The following MBOAT2 variants were observed in gnomAD, a reference collection of about 807,000 sequenced individuals.
The protein encoded by MBOAT2 is membrane-bound glycerophospholipid O-acyltransferase 2.
Under a neutral mutation model 63.4 loss-of-function variants are expected in MBOAT2, and 28 were observed. The observed-to-expected ratio is 0.44, with a 90% confidence interval of 0.33 to 0.61. The LOEUF is 0.61. Ranked by LOEUF, MBOAT2 falls within the 20% of genes least tolerant of loss-of-function variation. The probability of loss-of-function intolerance (pLI) is 0.03; values close to 1 mark genes in which losing one functional copy is unlikely to be tolerated. For synonymous variants in MBOAT2, 211 were observed against 215.6 expected (o/e 0.98, Z 0.19); for missense variants, 470 against 605.8 (o/e 0.78, Z 2.35).
chr2:8,879,080 A>C, intron 6 of MBOAT2, among the ~76,000 whole-genome samples: 1 of 152,024 alleles, frequency 6.6e-6, no homozygotes, highest in Middle Eastern at 3.4e-3. Flanking sequence ...CGTCTCAAAA[A>C]AAAAAAAAAA....
In MBOAT2 at chr2:9,003,619, G is replaced by C; in HGVS notation, c.-5C>G. The C allele has an allele frequency of 2.5e-6, 3 of 1,176,570 alleles. No individual in the cohort carries two copies. The highest frequency in any genetic ancestry group is 7.8e-5 in the South Asian group (2 of 25,716). 72.9% of individuals were successfully genotyped at this position (1,176,570 alleles called of 1,614,324 possible). A position where few individuals can be genotyped will look rare whatever the true frequency, so the allele number is the denominator to read the frequency against. ...CGTGGTGCTGGTGGTGGCCATGGCC[G>C]GGCCTCGGCGCTCCGGCCGCCCGCG... On this transcript the variant is annotated 5_prime_UTR_variant, in exon 1 of 13. Coordinates refer to ENST00000305997, the MANE Select transcript of MBOAT2 (RefSeq NM_138799.4). The surrounding 1 kb of genome is among the most constrained non-coding windows in gnomAD (Gnocchi z 5.4).
Position 9,003,423 on chromosome 2 carries a change from G to A in MBOAT2, c.75+117C>T, listed in dbSNP as rs1165788606. The A allele has an allele frequency of 8.2e-6, 4 of 488,816 alleles. No individual in the cohort carries two copies. In the African/African-American group the frequency reaches 8.3e-5, roughly 10 times the overall value. The allele number at this position is 488,816 out of a possible 1,614,324, so 30.3% of individuals were successfully genotyped here. ...CCCTTCCAGGGAGCGGCGGGTAGGG[G>A]GGCACCGGGCGCCCGGCCCCAGCCC... On this transcript the variant is annotated intron_variant, in intron 1 of 12. Coordinates refer to ENST00000305997, the MANE Select transcript of MBOAT2 (RefSeq NM_138799.4). This position sits in a 1 kb window ranked among gnomAD's most constrained non-coding sequence, Gnocchi z 5.4.
chr2:8,931,437 TG>T (rs1667314152), intron 3 of MBOAT2, among the ~76,000 whole-genome samples: 2 of 152,124 alleles, frequency 1.3e-5, no homozygotes, highest in Non-Finnish European at 2.9e-5. Flanking sequence ...TTGATGGCTT[TG>T]TTTTTTTCTT....
chr2:8,909,738 T>G (rs1198634578), intron 3 of MBOAT2, among the ~76,000 whole-genome samples: 1 of 152,240 alleles, frequency 6.6e-6, no homozygotes, highest in African/African-American at 2.4e-5. Context: ...TTCAAATGTT[T>G]AACAAAGTTA....
chr2:8,855,924 G>C lies in MBOAT2; in HGVS notation c.*2755C>G, dbSNP rs2148497847. ...ATCTTATTCTATTGATTAAAAAAAA[G>C]CAAGCACATAATACAACGAATCCCC... On this transcript the variant is annotated 3_prime_UTR_variant, in exon 13 of 13. Coordinates refer to ENST00000305997, the MANE Select transcript of MBOAT2 (RefSeq NM_138799.4). The C allele has an allele frequency of 6.6e-6, 1 of 151,940 alleles. No homozygotes were observed. Among genetic ancestry groups the C allele is most frequent in the East Asian group, 1.9e-4 (1 of 5,170 alleles). The allele number at this position is 151,940 out of a possible 1,614,324, so 9.4% of individuals were successfully genotyped here. A position where few individuals can be genotyped will look rare whatever the true frequency, so the allele number is the denominator to read the frequency against.
chr2:8,878,307 A>G (rs533424856), intron 6 of MBOAT2, among the ~76,000 whole-genome samples: 86 of 152,300 alleles, frequency 5.6e-4, no homozygotes, highest in African/African-American at 2.0e-3. Flanking sequence ...ATGAATAAGG[A>G]GTGTATTTAA....
intron 4 of MBOAT2, among the ~76,000 whole-genome samples, chr2:8,891,198 C>T (rs531156598): frequency 1.3e-5 from 2 of 152,298 alleles, no homozygotes; most frequent in Non-Finnish European, 2.9e-5. Context: ...ACCCATCAGC[C>T]GGTGCGTAGC....
At chr2:8,981,030 A>G (rs1004375402) in intron 1 of MBOAT2, among the ~76,000 whole-genome samples, 2 of 152,124 alleles carry the variant, frequency 1.3e-5, no homozygotes, top group Admixed American at 1.3e-4. Context: ...AAAAATGCAC[A>G]CTGATATGCA....
At chr2:8,876,231 T>C (rs760641336) in intron 7 of MBOAT2, among the ~76,000 whole-genome samples, 1 of 152,226 alleles carries the variant, frequency 6.6e-6, no homozygotes, top group Non-Finnish European at 1.5e-5. Context: ...ATAAACATTA[T>C]GTTTGGTTGT....
intron 3 of MBOAT2, among the ~76,000 whole-genome samples, chr2:8,940,286 CT>C (rs549345579): frequency 6.6e-6 from 1 of 151,864 alleles, no homozygotes; most frequent in Non-Finnish European, 1.5e-5. Flanking sequence ...TTTCCATTTT[CT>C]TTTTTTTCCT....
At chr2:8,939,797 C>A (rs557534858) in intron 3 of MBOAT2, among the ~76,000 whole-genome samples, 59 of 152,290 alleles carry the variant, frequency 3.9e-4, no homozygotes, top group African/African-American at 1.3e-3. Flanking sequence ...CACATGATGT[C>A]AAAATCACTA....
intron 7 of MBOAT2, among the ~76,000 whole-genome samples, chr2:8,874,882 G>A (rs1199221553): frequency 6.6e-6 from 1 of 152,216 alleles, no homozygotes; most frequent in Non-Finnish European, 1.5e-5. Context: ...TATATGATTA[G>A]GTTCTGGCCA....
chr2:8,931,176 C>T (rs147689149), intron 3 of MBOAT2, among the ~76,000 whole-genome samples: 2 of 152,354 alleles, frequency 1.3e-5, no homozygotes, highest in African/African-American at 4.8e-5. Context: ...TATTTCTCCA[C>T]AGCCTCACCA....
intron 4 of MBOAT2, among the ~76,000 whole-genome samples, chr2:8,904,727 ATATTACTACACATT>A (rs1665208702): frequency 6.6e-6 from 1 of 152,080 alleles, no homozygotes; most frequent in South Asian, 2.1e-4. Context: ...CTTTTTACAC[ATATTACTACACATT>A]TCATGGTTTT....
chr2:8,935,482 A>G (rs1039473394), intron 3 of MBOAT2, among the ~76,000 whole-genome samples: 3 of 152,222 alleles, frequency 2.0e-5, no homozygotes, highest in Non-Finnish European at 4.4e-5. Flanking sequence ...CATGGTGATA[A>G]ATATGACAGT....
intron 3 of MBOAT2, among the ~76,000 whole-genome samples, chr2:8,940,985 C>T (rs1246196992): frequency 6.6e-6 from 1 of 151,730 alleles, no homozygotes; most frequent in South Asian, 2.1e-4. Flanking sequence ...TTGGACAACA[C>T]ATAAAAATGC....
chr2:8,887,447 C>CATCT (rs1247514100), intron 5 of MBOAT2, among the ~76,000 whole-genome samples: 3 of 152,110 alleles, frequency 2.0e-5, no homozygotes, highest in African/African-American at 7.2e-5. Flanking sequence ...GGCTCAAACT[C>CATCT]ATCTCAAAAG....
Position 8,862,629 on chromosome 2 carries a change from C to T in MBOAT2, c.1146G>A (p.Thr382=), listed in dbSNP as rs762147238. Reference sequence around the variant, plus strand: ...ATGTCATTAACACCCCTGTTAGAAACGTTAGATAATATCCTGGGTATACCC... The same window carrying T: ...ATGTCATTAACACCCCTGTTAGAAATGTTAGATAATATCCTGGGTATACCC... ...WHGVYPGYYL[T]FLTGVLMTLA... Residue 382 remains threonine, a synonymous_variant, in exon 11 of 13, where the codon ACG becomes ACA. Transcript: ENST00000305997. This position sits in a 1 kb window ranked among gnomAD's most constrained non-coding sequence, Gnocchi z 4.3. The T allele has an allele frequency of 8.7e-6, 14 of 1,613,278 alleles. No homozygotes were observed. Among genetic ancestry groups the T allele is most frequent in the Non-Finnish European group, 1.2e-5 (14 of 1,179,850 alleles).
intron 7 of MBOAT2, among the ~76,000 whole-genome samples, chr2:8,873,741 A>C (rs1662512772): frequency 3.3e-5 from 5 of 152,184 alleles, no homozygotes; most frequent in Admixed American, 2.6e-4. Context: ...TTTTACAATA[A>C]ACAATCTATG....
Sources: gnomAD v4.1 joint callset for allele counts (sites outside exome capture counted in the v4.1 genomes callset) on GRCh38, gnomAD v4.1.1 for gene constraint, Gnocchi (gnomAD v3.1) non-coding constraint, MANE v1.5 for transcripts, NCBI Gene and HGNC (gene_info 2026-07-23, HGNC 2026-07-21) for gene names.